The following TNFAIP3 variants were observed in gnomAD, a reference collection of about 807,000 sequenced individuals.
TNFAIP3 encodes tumor necrosis factor alpha-induced protein 3.
Under a neutral mutation model 72.4 loss-of-function variants are expected in TNFAIP3, and 9 were observed. The ratio of observed to expected loss-of-function variants is 0.12; its 90% confidence interval spans 0.07 to 0.22. TNFAIP3 has a LOEUF of 0.22. TNFAIP3 is among the 10% of genes least tolerant of loss of function. The probability of loss-of-function intolerance (pLI) is 1.00; values close to 1 mark genes in which losing one functional copy is unlikely to be tolerated. For missense variants in TNFAIP3, 833 were observed against 1,018.7 expected, an observed-to-expected ratio of 0.82 and a Z score of 2.48; for synonymous variants, 339 against 372.6, an observed-to-expected ratio of 0.91 and a Z score of 1.04.
rs367949522 is a variant in TNFAIP3, at chr6:137,880,000, T to A, written c.1907-71T>A. ...TCTGTATTTGGAACCCATTTATTTC[T>A]CTACTGTCAGCATCTCTGTATCGGT... On this transcript the variant is annotated intron_variant, in intron 7 of 8. Coordinates refer to ENST00000612899, the MANE Select transcript of TNFAIP3 (RefSeq NM_001270508.2). The A allele has an allele frequency of 1.3e-4, 185 of 1,389,574 alleles. 10 individuals are homozygous for A. The highest frequency in any genetic ancestry group is 6.6e-4 in the Admixed American group (34 of 51,368). 86.1% of individuals were successfully genotyped at this position (1,389,574 alleles called of 1,614,324 possible).
At chr6:137,877,787 A>C (rs1342207871) in intron 6 of TNFAIP3, among the ~76,000 whole-genome samples, 4 of 152,254 alleles carry the variant, frequency 2.6e-5, no homozygotes, top group Non-Finnish European at 5.9e-5. Context: ...CATTGGCTTT[A>C]TGTTAAAGAG....
intron 1 of TNFAIP3, chr6:137,868,190 G>A (rs993256970): frequency 6.6e-6 from 1 of 152,500 alleles, no homozygotes; most frequent in African/African-American, 2.4e-5. Context: ...TTTGTCAGCT[G>A]GAGTCGTCCC....
chr6:137,882,546 A>G lies in TNFAIP3; in HGVS notation c.*1227A>G. 1 of 232,566 alleles carries G rather than the reference A, an allele frequency of 4.3e-6. No individual in the cohort carries two copies. Among genetic ancestry groups the G allele is most frequent in the East Asian group, 6.0e-5 (1 of 16,600 alleles). The allele number at this position is 232,566 out of a possible 1,614,324, so 14.4% of individuals were successfully genotyped here. On this transcript the variant is annotated 3_prime_UTR_variant, in exon 9 of 9. Transcript: ENST00000612899. ...TCATCGATGTTTCGTGCTTCTCCTT[A>G]TGAAACTCCAGCTATGTAATAAAAA... is the stretch of plus-strand genomic sequence containing the variant.
chr6:137,874,937 C>G lies in TNFAIP3; in HGVS notation c.388C>G (p.Leu130Val), dbSNP rs1160381325. The change falls in exon 3 of 9, where the codon CTC becomes GTC. Residue 130 changes from leucine (L) to valine (V), a missense_variant. Leu to Val is a conservative substitution (Grantham distance 32, BLOSUM62 1). Around this residue, in one of 2 missense-constraint regions of TNFAIP3, gnomAD observed 246 missense variants for 360.9 expected, o/e 0.68. Transcript: ENST00000612899. Reference sequence around the variant, plus strand: ...ACTGAGGAAGGCGCTGTTCAGCACGCTCAAGGAAACAGACACACGCAACTT... The same window carrying G: ...ACTGAGGAAGGCGCTGTTCAGCACGGTCAAGGAAACAGACACACGCAACTT... Reference protein sequence around the residue: ...LVLRKALFSTLKETDTRNFKF... With the variant: ...LVLRKALFSTVKETDTRNFKF... 1 of 1,614,124 alleles carries G rather than the reference C, an allele frequency of 6.2e-7. No homozygotes were observed. The highest frequency in any genetic ancestry group is 8.5e-7 in the Non-Finnish European group (1 of 1,180,056).
Position 137,879,343 on chromosome 6 carries a change from A to G in TNFAIP3, c.1898A>G (p.Glu633Gly), listed in dbSNP as rs768400274. ...FCTLCFIEYR[E>G]NKHFAAASGK... ...ACACTGTGTTTCATCGAGTACAGAG[A>G]AAACAAACGTGAGTGAAGTGGTTGA... is the stretch of plus-strand genomic sequence containing the variant. The change falls in exon 7 of 9, where the codon GAA (glutamate) becomes GGA (glycine). Residue 633 changes from glutamate to glycine, a missense_variant. Glu to Gly is a moderately conservative substitution (Grantham distance 98). Transcript: ENST00000612899. 1.9e-6 allele frequency: 3 copies of G among 1,610,032 alleles called. No individual in the cohort carries two copies. The Admixed American group carries it at 5.0e-5, about 27-fold the overall frequency.
chr6:137,877,532 G>A (rs766493551), intron 6 of TNFAIP3, among the ~76,000 whole-genome samples: 2 of 152,200 alleles, frequency 1.3e-5, no homozygotes, highest in African/African-American at 2.4e-5. Context: ...GGTTTTCAAA[G>A]TGCATTTACA....
Position 137,882,049 on chromosome 6 carries a change from T to C in TNFAIP3, c.*730T>C, listed in dbSNP as rs1037758299. 4.3e-6 allele frequency: 1 copy of C among 231,334 alleles called. No individual in the cohort carries two copies. The highest frequency in any genetic ancestry group is 8.6e-6 in the Non-Finnish European group (1 of 116,876). The allele number at this position is 231,334 out of a possible 1,614,324, so 14.3% of individuals were successfully genotyped here. ...GGAAGACGTGTAACTCTTTGGGTTA[T>C]TACTGTCTTTACTTCTAAAGAAGTT... On this transcript the variant is annotated 3_prime_UTR_variant, in exon 9 of 9. Transcript: ENST00000612899.
chr6:137,876,255 A>G (rs1208871155), intron 5 of TNFAIP3, 89 bp downstream of exon 5: 1 of 1,086,488 alleles, frequency 9.2e-7, no homozygotes, highest in East Asian at 2.6e-5. Flanking sequence ...AGTCTTATTT[A>G]AGTATATTAT....
In TNFAIP3 at chr6:137,867,447, C is replaced by G. The variant is rs896335053; in HGVS notation, c.-111C>G. On this transcript the variant is annotated 5_prime_UTR_variant, in exon 1 of 9. Coordinates refer to ENST00000612899, the MANE Select transcript of TNFAIP3 (RefSeq NM_001270508.2). The surrounding 1 kb of genome is among the most constrained non-coding windows in gnomAD (Gnocchi z 6.0). ...ACCCCCGCCTGCGGCGCGCTCCTGC[C>G]TTGACCAGGACTTGGGACTTTGCGA... 2.0e-5 allele frequency: 3 copies of G among 152,628 alleles called. No homozygotes were observed. Among genetic ancestry groups the G allele is most frequent in the African/African-American group, 7.2e-5 (3 of 41,436 alleles). 9.5% of individuals were successfully genotyped at this position (152,628 alleles called of 1,614,324 possible).
chr6:137,880,145 G>C lies in TNFAIP3; in HGVS notation c.1981G>C (p.Glu661Gln), dbSNP rs747949400. ...FQNTIPCLGR[E>Q]CGTLGSTMFE... ...GAACACCATTCCGTGCCTGGGGAGGGAATGCGGCACCCTTGGAAGCACCAT... is the reference window on the plus strand; with the variant it reads ...GAACACCATTCCGTGCCTGGGGAGGCAATGCGGCACCCTTGGAAGCACCAT... The change falls in exon 8 of 9, where the codon GAA becomes CAA. Residue 661 changes from glutamate (E) to glutamine (Q), a missense_variant. By Grantham distance (29) the Glu-to-Gln change is conservative (BLOSUM62 2). This residue lies in a region of TNFAIP3 where 587 missense variants were observed against 657.8 expected (regional missense o/e 0.89). Transcript: ENST00000612899. 1.9e-6 allele frequency: 3 copies of C among 1,614,128 alleles called. No homozygotes were observed. Among genetic ancestry groups the C allele is most frequent in the Non-Finnish European group, 8.5e-7 (1 of 1,180,018 alleles).
Position 137,871,298 on chromosome 6 carries a change from G to C in TNFAIP3, c.71G>C (p.Arg24Thr). The C allele has an allele frequency of 6.2e-7, 1 of 1,614,094 alleles. No homozygotes were observed. Among genetic ancestry groups the C allele is most frequent in the Non-Finnish European group, 8.5e-7 (1 of 1,180,020 alleles). The change falls in exon 2 of 9, where the codon AGA becomes ACA. Residue 24 changes from arginine to threonine, a missense_variant. Physicochemically the swap from Arg to Thr is moderately conservative, Grantham distance 71 (BLOSUM62 -1). Transcript: ENST00000612899. This position sits in a 1 kb window ranked among gnomAD's most constrained non-coding sequence, Gnocchi z 4.2. ...NMRKAVKIRERTPEDIFKPTN... is the reference protein window; with the variant it reads ...NMRKAVKIRETTPEDIFKPTN... Reference sequence around the variant, plus strand: ...CGGAAAGCTGTGAAGATACGGGAGAGAACTCCAGAAGACATTTTTAAACCT... The same window carrying C: ...CGGAAAGCTGTGAAGATACGGGAGACAACTCCAGAAGACATTTTTAAACCT...
intron 2 of TNFAIP3, 79 bp from the exon 3 acceptor site, chr6:137,874,766 G>T (rs1776178073): frequency 7.6e-6 from 11 of 1,447,278 alleles, no homozygotes; most frequent in Non-Finnish European, 1.0e-5. Flanking sequence ...AGTAGGGCTG[G>T]TTTATTCTGA....
intron 8 of TNFAIP3, 35 bp downstream of exon 8, chr6:137,880,287 T>A: frequency 6.2e-7 from 1 of 1,610,964 alleles, no homozygotes; most frequent in Non-Finnish European, 8.5e-7. Context: ...CTCCCTCCCG[T>A]GTGTTCGATG....
chr6:137,877,151 C>T lies in TNFAIP3; in HGVS notation c.881C>T (p.Pro294Leu), dbSNP rs756723486. ...TTAAAAGTTCACTTTTTGACAGATC[C>T]TGAAAATGAGATGAAGGAGAAGCTC... ...EDLKVHFLTD[P>L]ENEMKEKLLK... Residue 294 changes from proline (P) to leucine (L), a missense_variant, in exon 6 of 9, where the codon CCT becomes CTT. Coordinates refer to ENST00000612899, the MANE Select transcript of TNFAIP3 (RefSeq NM_001270508.2). 5 of 1,613,770 alleles carry T rather than the reference C, an allele frequency of 3.1e-6. No homozygotes were observed. Among genetic ancestry groups the T allele is most frequent in the Non-Finnish European group, 4.2e-6 (5 of 1,179,880 alleles).
chr6:137,880,366 C>T (rs1326955860), intron 8 of TNFAIP3, 114 bp downstream of exon 8: 2 of 1,160,696 alleles, frequency 1.7e-6, no homozygotes, highest in African/African-American at 3.1e-5. Flanking sequence ...TCTGTCTCCT[C>T]ATGATAAAGG....
In TNFAIP3 at chr6:137,881,994, C is replaced by T. The variant is rs1776480538; in HGVS notation, c.*675C>T. On this transcript the variant is annotated 3_prime_UTR_variant, in exon 9 of 9. Transcript: ENST00000612899. This position sits in a 1 kb window ranked among gnomAD's most constrained non-coding sequence, Gnocchi z 5.0. ...AAAACAAGCTGCTCTTTATAATATG[C>T]ACCTTTTAAAAAATTAGAATATTTT... 4.3e-6 allele frequency: 1 copy of T among 231,372 alleles called. No individual in the cohort carries two copies. Among genetic ancestry groups the T allele is most frequent in the East Asian group, 6.1e-5 (1 of 16,396 alleles). 14.3% of individuals were successfully genotyped at this position (231,372 alleles called of 1,614,324 possible).
intron 6 of TNFAIP3, 101 bp from the exon 7 acceptor site, chr6:137,878,331 C>T: frequency 9.4e-7 from 1 of 1,068,030 alleles, no homozygotes; most frequent in Non-Finnish European, 1.3e-6. Flanking sequence ...CAATTCTTGC[C>T]ATAATCCACA....
At chr6:137,872,506 A>G (rs536509220) in intron 2 of TNFAIP3, among the ~76,000 whole-genome samples, 23 of 152,316 alleles carry the variant, frequency 1.5e-4, no homozygotes, top group Admixed American at 1.3e-3. Flanking sequence ...TAAGAACACT[A>G]ACTTAATTAA....
At chr6:137,873,363 T>C (rs2114470323) in intron 2 of TNFAIP3, among the ~76,000 whole-genome samples, 1 of 152,300 alleles carries the variant, frequency 6.6e-6, no homozygotes, top group South Asian at 2.1e-4. Flanking sequence ...TGGCATAAAA[T>C]TGAAACTTCA....
Sources: allele counts gnomAD v4.1 joint callset (sites outside exome capture counted in the v4.1 genomes callset), GRCh38; gene constraint gnomAD v4.1.1; regional missense constraint gnomAD v4.1.1; non-coding constraint Gnocchi (gnomAD v3.1); transcripts MANE v1.5; gene names NCBI Gene and HGNC (gene_info 2026-07-23, HGNC 2026-07-21).